ANK2: variants seen among roughly 807,000 people sequenced by gnomAD.
The protein encoded by ANK2 is ankyrin-2.
Under a neutral mutation model 360.5 loss-of-function variants are expected in ANK2, and 83 were observed. The observed-to-expected ratio is 0.23, with a 90% CI of 0.19 to 0.28. The LOEUF (loss-of-function observed/expected upper bound fraction) is 0.28, where lower values mean the gene tolerates loss of function less well. ANK2 is among the 10% of genes least tolerant of loss of function. ANK2 has a pLI of 1.00. For synonymous variants in ANK2, 1,740 were observed against 1,759.5 expected, an observed-to-expected ratio of 0.99 and a Z score of 0.28; for missense variants, 4,201 against 4,795.7, an observed-to-expected ratio of 0.88 and a Z score of 3.66.
At chr4:112,731,738 A>G in the ANK2 span, among the ~76,000 whole-genome samples, 1 of 152,166 alleles carries the variant, frequency 6.6e-6, no homozygotes, top group African/African-American at 2.4e-5. Context: ...GTCTCAAAAA[A>G]AAAAAAAAGT....
At position 113,353,350 on chromosome 4, in the gene ANK2, G is replaced by A. The variant is rs1554550420; in HGVS notation, c.4732G>A (p.Val1578Met). ...AACCTGCACAAGAGATGAAAGCAGT[G>A]TGCAGAGCTCTCGGTCTGAGAGAGG... ...SGTCTRDESS[V>M]QSSRSERGLV... Residue 1578 changes from valine (V) to methionine (M), a missense_variant, in exon 38 of 46, where the codon GTG becomes ATG. Coordinates refer to ENST00000357077, the MANE Select transcript of ANK2 (RefSeq NM_001148.6). 2 of 1,614,102 alleles carry A rather than the reference G, an allele frequency of 1.2e-6. No homozygotes were observed. Among genetic ancestry groups the A allele is most frequent in the African/African-American group, 1.3e-5 (1 of 75,052 alleles).
At position 113,236,029 on chromosome 4, in the gene ANK2, T is replaced by C. The variant is rs185831839; in HGVS notation, c.484-958T>C. On this transcript the variant is annotated intron_variant, in intron 5 of 45. Coordinates refer to ENST00000357077, the MANE Select transcript of ANK2 (RefSeq NM_001148.6). ...CTGGGATTACAGGTGTGAGCCACCG[T>C]GCCTGGCCCCAGTCTTTCAATTTAC... 3.9e-5 allele frequency among the ~76,000 whole-genome samples: 6 copies of C among 152,318 alleles called. No homozygotes were observed. The East Asian group carries it at 7.7e-4, about 20-fold the overall frequency.
rs56095450 is a variant in ANK2 at position 113,383,065 on chromosome 4, T to C, written c.*1594T>C. On this transcript the variant is annotated 3_prime_UTR_variant, in exon 46 of 46. Coordinates refer to ENST00000357077, the MANE Select transcript of ANK2 (RefSeq NM_001148.6). ...AACAGTATACATTTTGAATCAGTCA[T>C]TTGTTAAAGAAAAGTATATTCAATG... 6.5e-5 allele frequency: 10 copies of C among 152,714 alleles called. No individual in the cohort carries two copies. The highest frequency in any genetic ancestry group is 1.5e-4 in the Non-Finnish European group (10 of 68,024). The allele number at this position is 152,714 out of a possible 1,614,324, so 9.5% of individuals were successfully genotyped here.
chr4:112,984,904 T>C (rs2044340993), intron 2 of ANK2, among the ~76,000 whole-genome samples: 1 of 152,212 alleles, frequency 6.6e-6, no homozygotes, highest in African/African-American at 2.4e-5. Context: ...CTGAGCTCAG[T>C]GGACTAACTC....
At chr4:113,190,225 T>C (rs1462202702) in intron 2 of ANK2, among the ~76,000 whole-genome samples, 1 of 152,060 alleles carries the variant, frequency 6.6e-6, no homozygotes, top group African/African-American at 2.4e-5. Context: ...CAGCCTCAGC[T>C]TCCCAAGTAG....
At chr4:112,859,115 G>A (rs9999588) in intron 1 of ANK2, among the ~76,000 whole-genome samples, 111,621 of 152,104 alleles carry the variant, frequency 0.73, 42,454 homozygotes, top group African/African-American at 0.93. Context: ...ACAAGAAAAG[G>A]TTACATCAAA....
intron 4 of ANK2, among the ~76,000 whole-genome samples, chr4:113,201,286 G>A (rs942717006): frequency 6.6e-6 from 1 of 152,016 alleles, no homozygotes; most frequent in African/African-American, 2.4e-5. Flanking sequence ...CCACCTGCAC[G>A]GCTTGTTGAA....
intron 2 of ANK2, among the ~76,000 whole-genome samples, chr4:112,921,419 A>C (rs1287847857): frequency 7.0e-6 from 1 of 143,626 alleles, no homozygotes; most frequent in East Asian, 2.0e-4. Context: ...ATAATCTGAC[A>C]TTCTAAAAGT....
chr4:112,793,289 C>T, the ANK2 span, among the ~76,000 whole-genome samples: 1 of 151,742 alleles, frequency 6.6e-6, no homozygotes, highest in Non-Finnish European at 1.5e-5. Flanking sequence ...CACATGTACC[C>T]CATAAATTTG....
At chr4:112,944,913 T>C (rs150777526) in intron 2 of ANK2, among the ~76,000 whole-genome samples, 1 of 152,346 alleles carries the variant, frequency 6.6e-6, no homozygotes, top group African/African-American at 2.4e-5. Context: ...GGCAGTGTCA[T>C]ATTGACAGTT....
chr4:112,981,739 A>T (rs1263374775), intron 2 of ANK2, among the ~76,000 whole-genome samples: 4 of 152,226 alleles, frequency 2.6e-5, no homozygotes, highest in Non-Finnish European at 5.9e-5. Context: ...TGGAAAAGTA[A>T]AAAGATGCTG....
intron 1 of ANK2, among the ~76,000 whole-genome samples, chr4:112,821,977 AG>A (rs1445011460): frequency 2.6e-5 from 4 of 151,864 alleles, no homozygotes; most frequent in Non-Finnish European, 4.4e-5. Context: ...CTTGTTGCCC[AG>A]GCTGGTCTTG....
At chr4:113,371,706 A>C (rs1027358440) in intron 43 of ANK2, among the ~76,000 whole-genome samples, 1 of 152,230 alleles carries the variant, frequency 6.6e-6, no homozygotes, top group African/African-American at 2.4e-5. Flanking sequence ...ATTTCTAGGC[A>C]GTAGATTCCT....
At chr4:113,064,007 C>T (rs979027655) in intron 1 of ANK2, among the ~76,000 whole-genome samples, 3 of 151,802 alleles carry the variant, frequency 2.0e-5, no homozygotes, top group African/African-American at 7.3e-5. Context: ...TTGATTTTTC[C>T]ATAAACATAA....
upstream of ANK2, among the ~76,000 whole-genome samples, chr4:113,048,794 C>T (rs898155839): frequency 3.3e-5 from 5 of 151,782 alleles, no homozygotes; most frequent in African/African-American, 1.2e-4. Context: ...TATTGCAACT[C>T]CATTAGTTTT....
rs759275920 is a variant in ANK2 at position 113,317,726 on chromosome 4, G to A, written c.2713G>A (p.Asp905Asn). 1.7e-5 allele frequency: 27 copies of A among 1,613,784 alleles called. No homozygotes were observed. The highest frequency in any genetic ancestry group is 4.4e-5 in the South Asian group (4 of 91,048). ...RSDSLRSFSS[D>N]RSHTLSHASY... ...TACCAGCCTTCGATCCTTCAGTTCC[G>A]ACAGGTCTCACACTCTGAGCCATGC... Residue 905 changes from aspartate (D) to asparagine (N), a missense_variant, in exon 25 of 46, where the codon GAC (aspartate) becomes AAC (asparagine). Around this residue, in one of 4 missense-constraint regions of ANK2, gnomAD observed 1,268 missense variants for 1,650.8 expected, o/e 0.77. Coordinates refer to ENST00000357077, the MANE Select transcript of ANK2 (RefSeq NM_001148.6).
the ANK2 span, among the ~76,000 whole-genome samples, chr4:112,794,645 G>A: frequency 1.3e-5 from 2 of 152,082 alleles, no homozygotes; most frequent in Non-Finnish European, 2.9e-5. Context: ...TTTGAGCCAA[G>A]GGAGGTACTG....
At chr4:113,296,280 T>A (rs1355643513) in intron 22 of ANK2, among the ~76,000 whole-genome samples, 1 of 152,184 alleles carries the variant, frequency 6.6e-6, no homozygotes, top group East Asian at 1.9e-4. Context: ...AATATCATTT[T>A]CTAAAATCTA....
At chr4:113,034,245 T>C (rs2061086130) in intron 2 of ANK2, among the ~76,000 whole-genome samples, 1 of 151,890 alleles carries the variant, frequency 6.6e-6, no homozygotes, top group African/African-American at 2.4e-5. Context: ...TTCCTTAGAT[T>C]GGCAAAAAAG....
Sources: gnomAD v4.1 joint callset for allele counts (sites outside exome capture counted in the v4.1 genomes callset) on GRCh38, gnomAD v4.1.1 for gene constraint, gnomAD v4.1.1 regional missense constraint, MANE v1.5 for transcripts, NCBI Gene and HGNC (gene_info 2026-07-23, HGNC 2026-07-21) for gene names.